The following MRM3 variants were observed in gnomAD, a reference collection of about 807,000 sequenced individuals.
MRM3 encodes rRNA methyltransferase 3, mitochondrial.
In MRM3, 26 loss-of-function variants were observed where a neutral mutation model predicts 29.4. That is an observed-to-expected ratio of 0.89 (90% CI 0.65 to 1.23). The LOEUF is 1.23. Ranked by LOEUF, MRM3 falls within the 50% of genes most tolerant of loss-of-function variation. MRM3 has a pLI of 0.00. For missense variants in MRM3, 578 were observed against 540.2 expected, an observed-to-expected ratio of 1.07 and a Z score of -0.69; for synonymous variants, 225 against 219.0, an observed-to-expected ratio of 1.03 and a Z score of -0.24.
intron 3 of MRM3, 157 bp downstream of exon 3, chr17:788,289 G>A: frequency 1.5e-6 from 1 of 652,440 alleles, no homozygotes; most frequent in Non-Finnish European, 2.6e-6. Context: ...TTAGCTGGGT[G>A]TGGTGGGGTG....
At position 782,563 on chromosome 17, in the gene MRM3, C is replaced by T. The variant is rs1266538923; in HGVS notation, c.185C>T (p.Pro62Leu). The T allele has an allele frequency of 1.3e-5, 21 of 1,613,924 alleles. No individual in the cohort carries two copies. The highest frequency in any genetic ancestry group is 1.7e-5 in the Non-Finnish European group (20 of 1,179,960). The change falls in exon 1 of 4, where the codon CCA becomes CTA. Residue 62 changes from proline (P) to leucine (L), a missense_variant. Pro to Leu is a moderately conservative substitution (Grantham distance 98, BLOSUM62 -3). Coordinates refer to ENST00000304478, the MANE Select transcript of MRM3 (RefSeq NM_018146.4). Reference protein sequence around the residue: ...RAPGKQPRKAPSEASAQEQRE... With the variant: ...RAPGKQPRKALSEASAQEQRE... ...CCTGGGAAGCAGCCCCGCAAGGCAC[C>T]ATCTGAGGCCAGTGCCCAGGAGCAA... is the stretch of plus-strand genomic sequence containing the variant.
chr17:791,614 G>A lies in MRM3; in HGVS notation c.808G>A (p.Glu270Lys). The part of the protein sequence containing the change: ...HFRMPIINNL[E>K]WETVPNYLPP... ...CCGGATGCCCATTATCAATAATCTG[G>A]AATGGGAAACCGTGCCCAATTACCT... The change falls in exon 4 of 4, where the codon GAA becomes AAA. Residue 270 changes from glutamate to lysine, a missense_variant. Transcript: ENST00000304478. The A allele has an allele frequency of 6.2e-7, 1 of 1,614,202 alleles. No individual in the cohort carries two copies. The highest frequency in any genetic ancestry group is 8.5e-7 in the Non-Finnish European group (1 of 1,180,030).
At position 782,436 on chromosome 17, in the gene MRM3, C is replaced by G. The variant is rs1286377099; in HGVS notation, c.58C>G (p.Gln20Glu). 1.2e-6 allele frequency: 2 copies of G among 1,614,020 alleles called. No individual in the cohort carries two copies. The highest frequency in any genetic ancestry group is 1.1e-5 in the South Asian group (1 of 91,086). The change falls in exon 1 of 4, where the codon CAG becomes GAG. Residue 20 changes from glutamine to glutamate, a missense_variant. Transcript: ENST00000304478. Reference sequence around the variant, plus strand: ...CGTGCGACCGTTGCTGCAGGTGGTCCAGGCTTGGGACCTTGACGCGAGGCG... The same window carrying G: ...CGTGCGACCGTTGCTGCAGGTGGTCGAGGCTTGGGACCTTGACGCGAGGCG... ...FVVRPLLQVV[Q>E]AWDLDARRWV... is the part of the protein sequence containing the mutation.
In MRM3 at chr17:791,868, G is replaced by A; in HGVS notation, c.1062G>A (p.Val354=). The change falls in exon 4 of 4, where the codon GTG becomes GTA. Residue 354 remains valine, a synonymous_variant. Transcript: ENST00000304478. ...SDWTEAPAAV[V]IGGETYGVSL... The stretch of plus-strand genomic sequence containing the variant: ...GGACAGAGGCGCCGGCAGCTGTGGT[G>A]ATTGGCGGGGAGACCTACGGCGTGA... 1.2e-6 allele frequency: 2 copies of A among 1,614,038 alleles called. No homozygotes were observed. Among genetic ancestry groups the A allele is most frequent in the Non-Finnish European group, 1.7e-6 (2 of 1,180,030 alleles).
At position 782,602 on chromosome 17, in the gene MRM3, C is replaced by A. The variant is rs149075054; in HGVS notation, c.224C>A (p.Pro75Gln). ...GCCCAGGAGCAACGAGAGAAACAAC[C>A]GCTCGAGGAGTCCGCATCCCGCGCT... ...ASAQEQREKQ[P>Q]LEESASRAPS... Residue 75 changes from proline to glutamine, a missense_variant, in exon 1 of 4, where the codon CCG (proline) becomes CAG (glutamine). By Grantham distance (76) the Pro-to-Gln change is moderately conservative. Coordinates refer to ENST00000304478, the MANE Select transcript of MRM3 (RefSeq NM_018146.4). The A allele has an allele frequency of 1.2e-6, 2 of 1,613,918 alleles. No individual in the cohort carries two copies. The highest frequency in any genetic ancestry group is 2.7e-5 in the African/African-American group (2 of 74,946).
Position 783,065 on chromosome 17 carries a change from T to C in MRM3, c.315-18T>C. On this transcript the variant is annotated intron_variant, in intron 1 of 3. Transcript: ENST00000304478. ...ATGTTGATAGTTACCTGTTTTTTTT[T>C]TTTATTTCCATCTACAGCAGTGTAA... 6.3e-7 allele frequency: 1 copy of C among 1,578,044 alleles called. No homozygotes were observed. The highest frequency in any genetic ancestry group is 8.6e-7 in the Non-Finnish European group (1 of 1,161,980).
chr17:783,389 T>TG, intron 2 of MRM3, 62 bp downstream of exon 2: 1 of 1,492,266 alleles, frequency 6.7e-7, no homozygotes, highest in Non-Finnish European at 9.0e-7. Context: ...CAGGCTGGAG[T>TG]GCAATGGCGC....
chr17:782,674 C>G lies in MRM3; in HGVS notation c.296C>G (p.Pro99Arg). The stretch of plus-strand genomic sequence containing the variant: ...GGGCTTCGCTACGATAAAGCTTATC[C>G]CGGGGACAGGAGGCTGAGGTGATGT... ...ESGLRYDKAY[P>R]GDRRLSSVMT... is the part of the protein sequence containing the mutation. The change falls in exon 1 of 4, where the codon CCC becomes CGC. Residue 99 changes from proline (P) to arginine (R), a missense_variant. By Grantham distance (103) the Pro-to-Arg change is moderately radical. Transcript: ENST00000304478. 6.2e-7 allele frequency: 1 copy of G among 1,605,350 alleles called. No individual in the cohort carries two copies. Among genetic ancestry groups the G allele is most frequent in the African/African-American group, 1.3e-5 (1 of 74,902 alleles).
intron 3 of MRM3, 174 bp downstream of exon 3, chr17:788,306 T>C (rs1301502781): frequency 3.3e-6 from 2 of 597,298 alleles, no homozygotes; most frequent in Non-Finnish European, 5.7e-6. Context: ...GGTGTGCCTG[T>C]ACTCAGTCCC....
At chr17:786,569 C>G (rs1910544743) in intron 2 of MRM3, among the ~76,000 whole-genome samples, 1 of 152,130 alleles carries the variant, frequency 6.6e-6, no homozygotes, top group Non-Finnish European at 1.5e-5. Flanking sequence ...GCTACCGTGC[C>G]TGGCCTAATT....
rs2144523271 is a variant in MRM3 at position 787,300 on chromosome 17, C to CAT, written c.560-662_560-661dup. On this transcript the variant is annotated intron_variant, in intron 2 of 3. Transcript: ENST00000304478. This position sits in a 1 kb window ranked among gnomAD's most constrained non-coding sequence, Gnocchi z 4.1. ...GTTAAAGGAAAAAAGTAGCTTCAAA[C>CAT]ATATTGACATGGTAAGTTCAAGATA... 6.6e-6 allele frequency among the ~76,000 whole-genome samples: 1 copy of CAT among 152,212 alleles called. No homozygotes were observed. Among genetic ancestry groups the CAT allele is most frequent in the South Asian group, 2.1e-4 (1 of 4,818 alleles).
chr17:791,760 G>C lies in MRM3; in HGVS notation c.954G>C (p.Lys318Asn), dbSNP rs750755572. The C allele has an allele frequency of 6.2e-7, 1 of 1,614,210 alleles. No individual in the cohort carries two copies. ...VCDQRVMKFH[K>N]YEEEEDVETG... ...ATCAACGAGTGATGAAGTTTCACAA[G>C]TATGAGGAAGAGGAAGATGTAGAAA... Residue 318 changes from lysine to asparagine, a missense_variant, in exon 4 of 4, where the codon AAG becomes AAC. Transcript: ENST00000304478.
Position 787,962 on chromosome 17 carries a change from CA to C in MRM3, c.560-2del. 1 of 1,613,306 alleles carries C rather than the reference CA, an allele frequency of 6.2e-7. No homozygotes were observed. Among genetic ancestry groups the C allele is most frequent in the East Asian group, 2.2e-5 (1 of 44,882 alleles). On this transcript the variant is annotated splice_acceptor_variant, in intron 2 of 3. Transcript: ENST00000304478. LOFTEE classifies it high-confidence loss of function. The surrounding 1 kb of genome is among the most constrained non-coding windows in gnomAD (Gnocchi z 4.1). ...AAGTAAACCACCTGTTTTGTTTCCT[CA>C]GGGATTTTTGCCAAGCCTGACCATG...
Position 782,408 on chromosome 17 carries a change from T to C in MRM3, c.30T>C (p.Phe10=). Residue 10 remains phenylalanine, a synonymous_variant, in exon 1 of 4, where the codon TTT becomes TTC. Transcript: ENST00000304478. MAALVRPAR[F]VVRPLLQVVQ... ...CGGCGCTGGTGAGACCCGCGAGGTTTGTCGTGCGACCGTTGCTGCAGGTGG... is the reference window on the plus strand; with the variant it reads ...CGGCGCTGGTGAGACCCGCGAGGTTCGTCGTGCGACCGTTGCTGCAGGTGG... 1 of 1,613,902 alleles carries C rather than the reference T, an allele frequency of 6.2e-7. No homozygotes were observed. The highest frequency in any genetic ancestry group is 1.6e-4 in the Middle Eastern group (1 of 6,062).
At chr17:788,286 G>A in intron 3 of MRM3, 154 bp downstream of exon 3, 1 of 650,144 alleles carries the variant, frequency 1.5e-6, no homozygotes, top group South Asian at 1.9e-5. Flanking sequence ...CAATTAGCTG[G>A]GTGTGGTGGG....
At chr17:790,517 C>T (rs553688080) in intron 3 of MRM3, 2 of 206,300 alleles carry the variant, frequency 9.7e-6, no homozygotes, top group Admixed American at 6.3e-5. Context: ...GCTGATTGAC[C>T]GGCTCACTGC....
At chr17:791,078 G>T (rs902530518) in intron 3 of MRM3, among the ~76,000 whole-genome samples, 1 of 152,134 alleles carries the variant, frequency 6.6e-6, no homozygotes, top group Admixed American at 6.5e-5. Context: ...TCCTCTCCTA[G>T]CTCTGTCCTC....
At chr17:788,193 C>T (rs548296521) in intron 3 of MRM3, 61 bp downstream of exon 3, 157 of 1,565,570 alleles carry the variant, frequency 1.0e-4, no homozygotes, top group African/African-American at 2.6e-4. Flanking sequence ...TTTGGGAGGC[C>T]GAGGCAGGAG....
chr17:787,866 A>G lies in MRM3; in HGVS notation c.560-99A>G. 1 of 1,238,206 alleles carries G rather than the reference A, an allele frequency of 8.1e-7. No homozygotes were observed. The highest frequency in any genetic ancestry group is 1.9e-5 in the Admixed American group (1 of 53,852). The allele number at this position is 1,238,206 out of a possible 1,614,324, so 76.7% of individuals were successfully genotyped here. A position where few individuals can be genotyped will look rare whatever the true frequency, so the allele number is the denominator to read the frequency against. ...ACCTGGCCTGTATTCCTGTATTTTT[A>G]TGTAACTAAGACCATATCAAGATTG... is the stretch of plus-strand genomic sequence containing the variant. On this transcript the variant is annotated intron_variant, in intron 2 of 3. Transcript: ENST00000304478. The surrounding 1 kb of genome is among the most constrained non-coding windows in gnomAD (Gnocchi z 4.1).
Sources: gnomAD v4.1 joint callset for allele counts (sites outside exome capture counted in the v4.1 genomes callset) on GRCh38, gnomAD v4.1.1 for gene constraint, Gnocchi (gnomAD v3.1) non-coding constraint, MANE v1.5 for transcripts, NCBI Gene and HGNC (gene_info 2026-07-23, HGNC 2026-07-21) for gene names.